Variants in LRRC8D observed in about 807,000 individuals in gnomAD.
LRRC8D encodes leucine rich repeat containing 8 VRAC subunit D, also known as volume-regulated anion channel subunit LRRC8D.
LRRC8D carries 20 observed loss-of-function variants against 55.8 expected under a neutral mutation model. The observed-to-expected ratio is 0.36, with a 90% confidence interval of 0.25 to 0.52. The LOEUF (loss-of-function observed/expected upper bound fraction) is 0.52. Ranked by LOEUF, LRRC8D falls within the 20% of genes least tolerant of loss-of-function variation. The pLI is 0.93. For missense variants in LRRC8D, 651 were observed against 1,030.8 expected (o/e 0.63, Z 5.05); for synonymous variants, 352 against 377.0 (o/e 0.93, Z 0.77).
intron 2 of LRRC8D, among the ~76,000 whole-genome samples, chr1:89,845,717 C>T (rs139592619): frequency 6.6e-6 from 1 of 152,244 alleles, no homozygotes; most frequent in Non-Finnish European, 1.5e-5. Flanking sequence ...GAGGCCACCA[C>T]ACTCAGCCAG....
intron 1 of LRRC8D, among the ~76,000 whole-genome samples, chr1:89,834,573 C>T (rs1660962188): frequency 6.6e-6 from 1 of 152,232 alleles, no homozygotes; most frequent in South Asian, 2.1e-4. Context: ...AGATATGCCC[C>T]TGCTTTGAAG....
chr1:89,885,796 A>G (rs567151204), intron 2 of LRRC8D, among the ~76,000 whole-genome samples: 1 of 152,310 alleles, frequency 6.6e-6, no homozygotes, highest in South Asian at 2.1e-4. Context: ...TTCTCTTACA[A>G]GATCCTCAAT....
At chr1:89,870,445 T>C (rs1348459961) in intron 2 of LRRC8D, among the ~76,000 whole-genome samples, 2 of 151,648 alleles carry the variant, frequency 1.3e-5, no homozygotes, top group East Asian at 3.9e-4. Context: ...CACTGCACTC[T>C]AGCCTGGGCG....
chr1:89,826,341 T>C (rs548351737), intron 1 of LRRC8D, among the ~76,000 whole-genome samples: 4 of 152,238 alleles, frequency 2.6e-5, no homozygotes, highest in African/African-American at 9.6e-5. Context: ...CTCAGCTCAC[T>C]GCAAGCTCCG....
intron 2 of LRRC8D, among the ~76,000 whole-genome samples, chr1:89,903,979 T>C (rs1421624216): frequency 6.6e-6 from 1 of 152,234 alleles, no homozygotes; most frequent in African/African-American, 2.4e-5. Flanking sequence ...GTCATTGTTT[T>C]CGCCTTTGAG....
intron 2 of LRRC8D, among the ~76,000 whole-genome samples, chr1:89,891,401 T>C (rs1662577408): frequency 6.6e-6 from 1 of 152,248 alleles, no homozygotes; most frequent in African/African-American, 2.4e-5. Context: ...AACTGTGATC[T>C]GTTAGTAAGG....
intron 1 of LRRC8D, among the ~76,000 whole-genome samples, chr1:89,830,225 A>G (rs571386574): frequency 1.3e-5 from 2 of 152,244 alleles, no homozygotes; most frequent in South Asian, 2.1e-4. Flanking sequence ...ATTCTGTTCA[A>G]GTTTTACTTT....
At chr1:89,893,893 G>A (rs1662638879) in intron 2 of LRRC8D, among the ~76,000 whole-genome samples, 1 of 152,312 alleles carries the variant, frequency 6.6e-6, no homozygotes, top group East Asian at 1.9e-4. Context: ...GTTTTTGACT[G>A]ACTTGAGATT....
chr1:89,915,811 A>T (rs1663252544), intron 2 of LRRC8D, among the ~76,000 whole-genome samples: 1 of 152,230 alleles, frequency 6.6e-6, no homozygotes, highest in Non-Finnish European at 1.5e-5. Flanking sequence ...CAAAAATGTT[A>T]TCTTGGGCCA....
intron 2 of LRRC8D, among the ~76,000 whole-genome samples, chr1:89,859,754 CT>C: frequency 6.6e-6 from 1 of 152,238 alleles, no homozygotes; most frequent in East Asian, 1.9e-4. Flanking sequence ...ATCATTTGCT[CT>C]TTGAAAAAAG....
At chr1:89,862,360 T>TA (rs1458393717) in intron 2 of LRRC8D, among the ~76,000 whole-genome samples, 1 of 152,206 alleles carries the variant, frequency 6.6e-6, no homozygotes, top group Non-Finnish European at 1.5e-5. Flanking sequence ...AGGCTATATA[T>TA]ACCCTGTTAG....
chr1:89,826,965 A>G (rs1660779596), intron 1 of LRRC8D, among the ~76,000 whole-genome samples: 1 of 152,176 alleles, frequency 6.6e-6, no homozygotes, highest in Non-Finnish European at 1.5e-5. Flanking sequence ...TTGTTGGATA[A>G]ACTCAGGGAA....
intron 2 of LRRC8D, among the ~76,000 whole-genome samples, chr1:89,920,210 T>C (rs996195863): frequency 6.6e-6 from 1 of 152,258 alleles, no homozygotes; most frequent in Non-Finnish European, 1.5e-5. Flanking sequence ...TTTAGAGTTA[T>C]GTTCCTTAGT....
chr1:89,878,169 T>C (rs1353970682), intron 2 of LRRC8D, among the ~76,000 whole-genome samples: 5 of 152,242 alleles, frequency 3.3e-5, no homozygotes, highest in African/African-American at 1.2e-4. Context: ...ATAAACAATA[T>C]CACTTAAAAA....
At chr1:89,924,171 C>CTATA (rs1557486176) in intron 2 of LRRC8D, among the ~76,000 whole-genome samples, 1 of 152,274 alleles carries the variant, frequency 6.6e-6, no homozygotes, top group Middle Eastern at 3.4e-3. Context: ...TATTTGCAAA[C>CTATA]TATGCATCTG....
At chr1:89,888,413 T>C (rs1570859601) in intron 2 of LRRC8D, among the ~76,000 whole-genome samples, 3 of 152,226 alleles carry the variant, frequency 2.0e-5, no homozygotes, top group East Asian at 1.9e-4. Flanking sequence ...GGTAATGGAT[T>C]TGAATTGGAG....
At chr1:89,860,809 T>TATATATATATAC (rs970678615) in intron 2 of LRRC8D, among the ~76,000 whole-genome samples, 24 of 105,544 alleles carry the variant, frequency 2.3e-4, no homozygotes, top group East Asian at 8.8e-4. Flanking sequence ...TATATATATA[T>TATATATATATAC]ACACACACAG....
intron 2 of LRRC8D, among the ~76,000 whole-genome samples, chr1:89,900,112 G>T (rs1023549167): frequency 5.9e-5 from 9 of 152,186 alleles, no homozygotes; most frequent in Admixed American, 3.3e-4. Context: ...ATCAAGGGAG[G>T]ATTAAAAGGA....
intron 2 of LRRC8D, among the ~76,000 whole-genome samples, chr1:89,893,535 C>T (rs1328009310): frequency 6.6e-6 from 1 of 152,178 alleles, no homozygotes; most frequent in Admixed American, 6.5e-5. Flanking sequence ...ACAGAAAATA[C>T]TGGAAATTAT....
Sources: allele counts gnomAD v4.1 joint callset (sites outside exome capture counted in the v4.1 genomes callset), GRCh38; gene constraint gnomAD v4.1.1; transcripts MANE v1.5; gene names NCBI Gene and HGNC (gene_info 2026-07-23, HGNC 2026-07-21).